Variants in ACSS3 observed in about 807,000 individuals in gnomAD.
ACSS3 encodes the protein acyl-CoA synthetase short-chain family member 3, mitochondrial.
In ACSS3, 64 loss-of-function variants were observed where a neutral mutation model predicts 84.2. The ratio of observed to expected loss-of-function variants is 0.76; its 90% CI spans 0.62 to 0.94. ACSS3 has a LOEUF of 0.94. ACSS3 is among the 40% of genes least tolerant of loss of function. The probability of loss-of-function intolerance (pLI) is 0.00; values close to 1 mark genes in which losing one functional copy is unlikely to be tolerated. For missense variants in ACSS3, 815 were observed against 867.6 expected, an observed-to-expected ratio of 0.94 and a Z score of 0.76; for synonymous variants, 317 against 310.1, an observed-to-expected ratio of 1.02 and a Z score of -0.23.
At chr12:81,143,072 A>G (rs760638215) in intron 4 of ACSS3, 35 bp from the exon 5 acceptor site, 1 of 1,579,168 alleles carries the variant, frequency 6.3e-7, no homozygotes, top group Non-Finnish European at 8.6e-7. Flanking sequence ...TAATCTCCTT[A>G]TTACAGTACA....
At chr12:81,243,394 T>C (rs565478978) in intron 13 of ACSS3, among the ~76,000 whole-genome samples, 2 of 152,178 alleles carry the variant, frequency 1.3e-5, no homozygotes, top group Non-Finnish European at 2.9e-5. Flanking sequence ...TCCACGCTCA[T>C]GGGTAGGAAG....
chr12:81,213,163 C>T (rs913905144), intron 9 of ACSS3, among the ~76,000 whole-genome samples: 3 of 152,020 alleles, frequency 2.0e-5, no homozygotes, highest in African/African-American at 7.3e-5. Context: ...AATTACAGCC[C>T]GGGTAGTGTG....
At chr12:81,224,281 C>A (rs2033199976) in intron 11 of ACSS3, among the ~76,000 whole-genome samples, 1 of 151,890 alleles carries the variant, frequency 6.6e-6, no homozygotes, top group Non-Finnish European at 1.5e-5. Flanking sequence ...ATTCTTATAA[C>A]TACAGAAAAA....
chr12:81,143,270 C>G, intron 5 of ACSS3, 23 bp downstream of exon 5: 7 of 1,508,892 alleles, frequency 4.6e-6, no homozygotes, highest in Non-Finnish European at 6.3e-6. Context: ...TTAGAGATAA[C>G]TATCTATAGC....
intron 2 of ACSS3, chr12:81,125,679 C>G (rs1489675277): frequency 6.6e-6 from 1 of 152,178 alleles, no homozygotes; most frequent in Non-Finnish European, 1.5e-5. Context: ...GTGATGGTTA[C>G]TCCCAGTGGC....
chr12:81,131,379 C>G (rs1211737510), intron 2 of ACSS3, among the ~76,000 whole-genome samples: 1 of 152,092 alleles, frequency 6.6e-6, no homozygotes, highest in African/African-American at 2.4e-5. Context: ...ATTTTATTAT[C>G]TTTGAAGTAA....
At chr12:81,147,187 G>A (rs1173221053) in intron 5 of ACSS3, among the ~76,000 whole-genome samples, 1 of 152,082 alleles carries the variant, frequency 6.6e-6, no homozygotes, top group Non-Finnish European at 1.5e-5. Context: ...AGAATCATCT[G>A]AAAACCTGTA....
intron 2 of ACSS3, among the ~76,000 whole-genome samples, chr12:81,127,351 T>C (rs1885170022): frequency 4.6e-5 from 7 of 152,160 alleles, no homozygotes; most frequent in Admixed American, 4.6e-4. Flanking sequence ...GAATAACTGA[T>C]TATTTTCACA....
At chr12:81,098,697 A>G (rs1882266556) in intron 1 of ACSS3, among the ~76,000 whole-genome samples, 1 of 152,246 alleles carries the variant, frequency 6.6e-6, no homozygotes, top group Non-Finnish European at 1.5e-5. Flanking sequence ...ATTTGTCTGC[A>G]GTCATTTAAA....
intron 8 of ACSS3, among the ~76,000 whole-genome samples, chr12:81,175,309 G>A (rs188586137): frequency 2.1e-4 from 32 of 152,156 alleles, no homozygotes; most frequent in Admixed American, 1.6e-3. Flanking sequence ...AAATGAAGGG[G>A]CAATATTTGA....
chr12:81,214,336 C>CT (rs2032819143), intron 9 of ACSS3, among the ~76,000 whole-genome samples: 1 of 152,032 alleles, frequency 6.6e-6, no homozygotes, highest in Non-Finnish European at 1.5e-5. Context: ...AGCAATAGTT[C>CT]TTTTTCTAAT....
At chr12:81,178,539 C>T (rs2030670127) in intron 8 of ACSS3, among the ~76,000 whole-genome samples, 1 of 151,936 alleles carries the variant, frequency 6.6e-6, no homozygotes. Flanking sequence ...AATGCCATCC[C>T]ATTCACATTA....
intron 2 of ACSS3, among the ~76,000 whole-genome samples, chr12:81,113,953 A>T (rs1200075683): frequency 1.3e-5 from 2 of 152,020 alleles, no homozygotes; most frequent in Non-Finnish European, 1.5e-5. Flanking sequence ...TATGTGTAAG[A>T]GTGTATTTTA....
intron 1 of ACSS3, among the ~76,000 whole-genome samples, chr12:81,108,790 C>A (rs550205282): frequency 6.6e-6 from 1 of 152,214 alleles, no homozygotes; most frequent in East Asian, 1.9e-4. Context: ...CATTACTGTA[C>A]TTGCATATTT....
rs184964687 is a variant in ACSS3 at position 81,122,995 on chromosome 12, T to G, written c.457-11821T>G. On this transcript the variant is annotated intron_variant, in intron 2 of 15. Coordinates refer to ENST00000548058, the MANE Select transcript of ACSS3 (RefSeq NM_024560.4). ...ATCAATGGTACTTTTCTGAGTGGTG[T>G]TTGGGTTCCAGTCTGGCCACCCAAC... 1.5e-3 allele frequency among the ~76,000 whole-genome samples: 231 copies of G among 152,336 alleles called. 2 individuals are homozygous for G. The highest frequency in any genetic ancestry group is 3.8e-3 in the African/African-American group (157 of 41,578).
At chr12:81,081,715 T>C (rs567061929) in intron 1 of ACSS3, among the ~76,000 whole-genome samples, 2 of 152,312 alleles carry the variant, frequency 1.3e-5, no homozygotes, top group Admixed American at 6.5e-5. Context: ...TTAAACAACA[T>C]TCAATGATAG....
At chr12:81,224,539 TATAC>T (rs536307054) in intron 11 of ACSS3, among the ~76,000 whole-genome samples, 80 of 145,754 alleles carry the variant, frequency 5.5e-4, no homozygotes, top group Non-Finnish European at 8.0e-4. Flanking sequence ...TATATATGCA[TATAC>T]ATACATACAT....
intron 8 of ACSS3, among the ~76,000 whole-genome samples, chr12:81,195,668 C>A (rs1448413420): frequency 4.0e-5 from 6 of 151,588 alleles, no homozygotes; most frequent in Admixed American, 3.9e-4. Flanking sequence ...ACTTTTTATC[C>A]CCCTTCCTTG....
chr12:81,253,408 TGA>T lies in ACSS3; in HGVS notation c.1819+7_1819+8del. The T allele has an allele frequency of 6.2e-7, 1 of 1,613,704 alleles. No homozygotes were observed. Among genetic ancestry groups the T allele is most frequent in the African/African-American group, 1.3e-5 (1 of 74,984 alleles). On this transcript the variant is annotated splice_donor_region_variant and intron_variant, in intron 14 of 15. Transcript: ENST00000548058. Reference sequence around the variant, plus strand: ...TAGCACTCTGTGTATTGAGAAAAGGTGAGAGATCTTTTTCTCCCTGATTGCTT... The same window carrying T: ...TAGCACTCTGTGTATTGAGAAAAGGTGAGATCTTTTTCTCCCTGATTGCTT...
Sources: allele counts gnomAD v4.1 joint callset (sites outside exome capture counted in the v4.1 genomes callset), GRCh38; gene constraint gnomAD v4.1.1; transcripts MANE v1.5; gene names NCBI Gene and HGNC (gene_info 2026-07-23, HGNC 2026-07-21).